Variants in MKLN1 observed in about 807,000 individuals in gnomAD.
The protein encoded by MKLN1 is muskelin.
MKLN1 carries 18 observed loss-of-function variants against 99.0 expected under a neutral mutation model. The observed-to-expected ratio is 0.18, with a 90% CI of 0.13 to 0.27. The LOEUF is 0.27. Among genes scored for constraint, MKLN1 ranks in the 10% least tolerant of loss-of-function variants. The pLI is 1.00. For synonymous variants in MKLN1, 288 were observed against 293.2 expected (o/e 0.98, Z 0.18); for missense variants, 621 against 875.9 (o/e 0.71, Z 3.67).
chr7:131,138,018 C>T (rs552865935), intron 1 of MKLN1, among the ~76,000 whole-genome samples: 57 of 150,902 alleles, frequency 3.8e-4, no homozygotes, highest in Non-Finnish European at 7.2e-4. Flanking sequence ...CTCCGCCTCC[C>T]GGGTTCAAGT....
chr7:131,387,044 A>C (rs1264154525), intron 2 of MKLN1, 76 bp from the exon 3 acceptor site: 2 of 1,358,720 alleles, frequency 1.5e-6, no homozygotes, highest in Admixed American at 2.3e-5. Flanking sequence ...TCTTCTGTTA[A>C]CTGGCAATAG....
intron 3 of MKLN1, among the ~76,000 whole-genome samples, chr7:131,301,051 T>C (rs1345287148): frequency 2.0e-5 from 3 of 152,200 alleles, no homozygotes; most frequent in Non-Finnish European, 4.4e-5. Flanking sequence ...TGGCTGTACA[T>C]AGACATCTTT....
At chr7:131,206,717 G>A (rs1008461135) in intron 3 of MKLN1, among the ~76,000 whole-genome samples, 11 of 151,768 alleles carry the variant, frequency 7.2e-5, no homozygotes, top group Non-Finnish European at 1.5e-4. Context: ...CACCGTGGCC[G>A]GCTAATTTTG....
chr7:131,373,324 A>T (rs1398471458), intron 1 of MKLN1, among the ~76,000 whole-genome samples: 12 of 152,034 alleles, frequency 7.9e-5, no homozygotes, highest in African/African-American at 2.9e-4. Flanking sequence ...CCGTTTTCAT[A>T]TGGGGTATTT....
At chr7:131,382,120 T>C (rs767963320) in intron 2 of MKLN1, among the ~76,000 whole-genome samples, 1 of 152,196 alleles carries the variant, frequency 6.6e-6, no homozygotes, top group Non-Finnish European at 1.5e-5. Flanking sequence ...ATCCCAGCAC[T>C]TTGGGAGGTC....
chr7:131,251,425 T>G (rs978606039), intron 3 of MKLN1, among the ~76,000 whole-genome samples: 7 of 152,140 alleles, frequency 4.6e-5, no homozygotes, highest in Admixed American at 2.6e-4. Context: ...AAAGTCCTCA[T>G]CTTATACATG....
At chr7:131,461,254 C>A (rs1360379958) in intron 12 of MKLN1, among the ~76,000 whole-genome samples, 1 of 102,534 alleles carries the variant, frequency 9.8e-6, no homozygotes, top group Non-Finnish European at 2.0e-5. Flanking sequence ...TTTTTGTTTG[C>A]GGTTTTTTTT....
chr7:131,333,521 G>A (rs1799156830), intron 1 of MKLN1, among the ~76,000 whole-genome samples: 1 of 152,034 alleles, frequency 6.6e-6, no homozygotes, highest in Admixed American at 6.6e-5. Flanking sequence ...GAGTCATGAG[G>A]TAGTTTTGCT....
At chr7:131,286,625 C>A (rs951959711) in intron 3 of MKLN1, among the ~76,000 whole-genome samples, 3 of 152,138 alleles carry the variant, frequency 2.0e-5, no homozygotes, top group Admixed American at 1.3e-4. Context: ...TCTCATTTAC[C>A]AATTACAGAA....
intron 3 of MKLN1, among the ~76,000 whole-genome samples, chr7:131,254,254 A>C (rs560331770): frequency 6.6e-6 from 1 of 152,340 alleles, no homozygotes; most frequent in East Asian, 1.9e-4. Flanking sequence ...GACTTCACTA[A>C]AATAAACTAG....
chr7:131,234,644 TA>T (rs1309198813), intron 3 of MKLN1, among the ~76,000 whole-genome samples: 2 of 152,216 alleles, frequency 1.3e-5, no homozygotes, highest in African/African-American at 2.4e-5. Context: ...CTTTACATTT[TA>T]ACTCTCCAGC....
intron 6 of MKLN1, among the ~76,000 whole-genome samples, chr7:131,402,780 T>C (rs1049811070): frequency 6.6e-6 from 1 of 152,328 alleles, no homozygotes; most frequent in East Asian, 1.9e-4. Flanking sequence ...GAAATCTTTT[T>C]TTCTTTTTCT....
chr7:131,459,776 C>T (rs1796461562), intron 12 of MKLN1, among the ~76,000 whole-genome samples: 1 of 152,012 alleles, frequency 6.6e-6, no homozygotes, highest in African/African-American at 2.4e-5. Flanking sequence ...TGTGCACCAT[C>T]TTTTTAAATT....
chr7:131,188,653 C>T (rs189417737), intron 2 of MKLN1, among the ~76,000 whole-genome samples: 59 of 152,350 alleles, frequency 3.9e-4, no homozygotes, highest in Non-Finnish European at 6.6e-4. Flanking sequence ...AGCCAAAAGG[C>T]AGGCCCAGAC....
At chr7:131,208,947 C>A (rs1202098230) in intron 3 of MKLN1, among the ~76,000 whole-genome samples, 1 of 152,182 alleles carries the variant, frequency 6.6e-6, no homozygotes, top group Non-Finnish European at 1.5e-5. Context: ...TGATAGATGA[C>A]AAGCTGGCTA....
chr7:131,253,715 A>G (rs540808648), intron 3 of MKLN1, among the ~76,000 whole-genome samples: 1 of 152,358 alleles, frequency 6.6e-6, no homozygotes, highest in East Asian at 1.9e-4. Context: ...TGATGAGAAC[A>G]GAGAGGCCTG....
At chr7:131,254,660 AAATT>A (rs71174933) in intron 3 of MKLN1, among the ~76,000 whole-genome samples, 16,096 of 151,824 alleles carry the variant, frequency 0.11, 1,261 homozygotes, top group South Asian at 0.36. Context: ...CTAAAGAGAA[AAATT>A]AATTAGAGGG....
At chr7:131,272,827 C>A (rs1015645815) in intron 3 of MKLN1, among the ~76,000 whole-genome samples, 2 of 152,086 alleles carry the variant, frequency 1.3e-5, no homozygotes, top group African/African-American at 4.8e-5. Context: ...GAAAGACCAG[C>A]CCCCATGGTT....
chr7:131,443,347 G>T (rs1301709862), intron 10 of MKLN1, 134 bp from the exon 11 acceptor site: 6 of 619,018 alleles, frequency 9.7e-6, no homozygotes, highest in South Asian at 8.2e-5. Flanking sequence ...TGATAATCAG[G>T]GGTGGTATTT....
Sources: gnomAD v4.1 joint callset for allele counts (sites outside exome capture counted in the v4.1 genomes callset) on GRCh38, gnomAD v4.1.1 for gene constraint, MANE v1.5 for transcripts, NCBI Gene and HGNC (gene_info 2026-07-23, HGNC 2026-07-21) for gene names.